CHRNA7: variants seen among roughly 807,000 people sequenced by gnomAD.
CHRNA7 encodes neuronal acetylcholine receptor subunit alpha-7.
A neutral mutation model predicts 48.0 loss-of-function variants in CHRNA7; 17 were observed. The ratio of observed to expected loss-of-function variants is 0.35; its 90% CI spans 0.24 to 0.53. The LOEUF (loss-of-function observed/expected upper bound fraction) is 0.53. Among genes scored for constraint, CHRNA7 ranks in the 20% least tolerant of loss-of-function variants. CHRNA7 has a pLI of 0.92. For synonymous variants in CHRNA7, 75 were observed against 242.3 expected (o/e 0.31, Z 6.41); for missense variants, 155 against 577.7 (o/e 0.27, Z 7.50).
chr15:32,087,435 C>T (rs919929281), intron 2 of CHRNA7, among the ~76,000 whole-genome samples: 1 of 152,048 alleles, frequency 6.6e-6, no homozygotes, highest in Admixed American at 6.5e-5. Flanking sequence ...ATCCTGGTTC[C>T]TTGTATTGGT....
intron 2 of CHRNA7, among the ~76,000 whole-genome samples, chr15:32,093,370 C>T (rs543815466): frequency 6.6e-6 from 1 of 152,282 alleles, no homozygotes; most frequent in African/African-American, 2.4e-5. Flanking sequence ...CTTTCAGTTG[C>T]AGTGAAAAGT....
At position 32,111,914 on chromosome 15, in the gene CHRNA7, C is replaced by A. The variant is rs202080401; in HGVS notation, c.350+15C>A. 7 of 1,456,156 alleles carry A rather than the reference C, an allele frequency of 4.8e-6. No homozygotes were observed. Among genetic ancestry groups the A allele is most frequent in the Non-Finnish European group, 6.7e-6 (7 of 1,037,916 alleles). The allele number at this position is 1,456,156 out of a possible 1,614,324, so 90.2% of individuals were successfully genotyped here. A position where few individuals can be genotyped will look rare whatever the true frequency, so the allele number is the denominator to read the frequency against. On this transcript the variant is annotated intron_variant, in intron 4 of 9. Coordinates refer to ENST00000306901, the MANE Select transcript of CHRNA7 (RefSeq NM_000746.6). ...CTCTATAACAGGTAAGCATATTGAA[C>A]AAAGGAAAAAAATGATTTTATGCTT...
intron 4 of CHRNA7, among the ~76,000 whole-genome samples, chr15:32,116,075 A>G (rs1027541639): frequency 6.6e-6 from 1 of 152,190 alleles, no homozygotes; most frequent in Non-Finnish European, 1.5e-5. Context: ...GGAAAATAAT[A>G]TGTTCTGCTT....
At chr15:32,114,062 A>ATATATATATG in intron 4 of CHRNA7, among the ~76,000 whole-genome samples, 1 of 6,384 alleles carries the variant, frequency 1.6e-4, no homozygotes, top group African/African-American at 1.7e-4. Flanking sequence ...ATATATATAC[A>ATATATATATG]TATATATATA....
At chr15:32,052,970 A>C (rs991618446) in intron 2 of CHRNA7, among the ~76,000 whole-genome samples, 3 of 152,172 alleles carry the variant, frequency 2.0e-5, no homozygotes, top group East Asian at 1.9e-4. Flanking sequence ...GTGGGTATCA[A>C]AATATCACAT....
intron 4 of CHRNA7, among the ~76,000 whole-genome samples, chr15:32,134,601 C>T (rs1382274533): frequency 6.6e-6 from 1 of 152,130 alleles, no homozygotes; most frequent in African/African-American, 2.4e-5. Flanking sequence ...TAAAAATGAA[C>T]TTCAAATTAA....
intron 2 of CHRNA7, among the ~76,000 whole-genome samples, chr15:32,062,618 C>T (rs2049897478): frequency 6.6e-6 from 1 of 152,134 alleles, no homozygotes; most frequent in Non-Finnish European, 1.5e-5. Flanking sequence ...CTGCAGCTGT[C>T]AGACTGATAT....
intron 4 of CHRNA7, among the ~76,000 whole-genome samples, chr15:32,136,944 A>C (rs2051273058): frequency 7.1e-6 from 1 of 140,900 alleles, no homozygotes; most frequent in Non-Finnish European, 1.5e-5. Context: ...AGGCAGGAGA[A>C]TGGCGTGAAC....
intron 4 of CHRNA7, 39 bp downstream of exon 4, chr15:32,111,938 T>A: frequency 8.8e-7 from 1 of 1,130,852 alleles, no homozygotes; most frequent in Non-Finnish European, 1.4e-6. Flanking sequence ...GATTTTATGC[T>A]TGCATACATG....
intron 3 of CHRNA7, among the ~76,000 whole-genome samples, chr15:32,105,403 A>T (rs1029506454): frequency 1.4e-4 from 21 of 150,682 alleles, no homozygotes; most frequent in Middle Eastern, 3.4e-3. Flanking sequence ...ATGGAGGAGG[A>T]GTTGGAGGAG....
intron 2 of CHRNA7, among the ~76,000 whole-genome samples, chr15:32,064,074 T>A (rs912876953): frequency 6.6e-6 from 1 of 152,200 alleles, no homozygotes; most frequent in African/African-American, 2.4e-5. Context: ...AGAATTTTGT[T>A]GTTTCTTTTC....
intron 2 of CHRNA7, among the ~76,000 whole-genome samples, chr15:32,067,021 G>C (rs1327885191): frequency 6.6e-6 from 1 of 152,100 alleles, no homozygotes; most frequent in African/African-American, 2.4e-5. Context: ...AATGAACTAA[G>C]CATCAGAAAC....
chr15:32,166,628 G>A (rs1280336172), intron 9 of CHRNA7: 9 of 150,882 alleles, frequency 6.0e-5, no homozygotes. Context: ...AAACCTGTTA[G>A]GTTACTGATG....
chr15:32,070,669 CTTTTTTTTTTTTTTTTTTTTTT>C (rs71113441), intron 2 of CHRNA7, among the ~76,000 whole-genome samples: 1 of 40,850 alleles, frequency 2.4e-5, no homozygotes, highest in Non-Finnish European at 4.5e-5. Flanking sequence ...GGTTTAGTTC[CTTTTTTTTTTTTTTTTTTTTTT>C]TTTTTTTTTT....
At chr15:32,121,454 C>T (rs572056351) in intron 4 of CHRNA7, among the ~76,000 whole-genome samples, 3 of 152,210 alleles carry the variant, frequency 2.0e-5, no homozygotes, top group Admixed American at 6.5e-5. Context: ...GGCTTGTTGA[C>T]GCAGTTCTGA....
chr15:32,097,653 TAG>T (rs1172010950), intron 2 of CHRNA7, among the ~76,000 whole-genome samples: 1 of 152,230 alleles, frequency 6.6e-6, no homozygotes, highest in Non-Finnish European at 1.5e-5. Flanking sequence ...GAATTAAACA[TAG>T]AGTCTGTGCT....
In CHRNA7 at chr15:32,039,041, T is replaced by TATCTA. The variant is rs1398813157; in HGVS notation, c.195+8004_195+8005insATCTA. 2.6e-5 allele frequency among the ~76,000 whole-genome samples: 4 copies of TATCTA among 152,202 alleles called. No individual in the cohort carries two copies. The East Asian group carries it at 5.8e-4, about 22-fold the overall frequency. ...TCCATTTTATCTAGGTTATAAAATT[T>TATCTA]GTGAGCATAGAATTGTTCATAGTAT... On this transcript the variant is annotated intron_variant, in intron 2 of 9. Coordinates refer to ENST00000306901, the MANE Select transcript of CHRNA7 (RefSeq NM_000746.6).
chr15:32,080,832 A>T (rs2050204267), intron 2 of CHRNA7, among the ~76,000 whole-genome samples: 2 of 152,228 alleles, frequency 1.3e-5, no homozygotes, highest in African/African-American at 4.8e-5. Context: ...TATTACAAAG[A>T]TACATGCATG....
At chr15:32,153,563 CCTCTGTT>C (rs1294286649) in intron 4 of CHRNA7, 1 of 355,780 alleles carries the variant, frequency 2.8e-6, no homozygotes, top group African/African-American at 2.2e-5. Context: ...CCTCACCCAC[CCTCTGTT>C]CTTCTAGACA....
Sources: allele counts gnomAD v4.1 joint callset (sites outside exome capture counted in the v4.1 genomes callset), GRCh38; gene constraint gnomAD v4.1.1; transcripts MANE v1.5; gene names NCBI Gene and HGNC (gene_info 2026-07-23, HGNC 2026-07-21).